The following DNAH6 variants were observed in gnomAD, a reference collection of about 807,000 sequenced individuals.
The protein encoded by DNAH6 is axonemal beta dynein heavy chain 6.
A neutral mutation model predicts 491.4 loss-of-function variants in DNAH6; 340 were observed. The observed-to-expected ratio is 0.69, with a 90% CI of 0.63 to 0.76. The LOEUF (loss-of-function observed/expected upper bound fraction) is 0.76, where lower values mean the gene tolerates loss of function less well. Ranked by LOEUF, DNAH6 falls within the 30% of genes least tolerant of loss-of-function variation. DNAH6 has a pLI of 0.00. For missense variants in DNAH6, 4,443 were observed against 4,972.2 expected (o/e 0.89, Z 3.20); for synonymous variants, 1,603 against 1,686.1 (o/e 0.95, Z 1.21).
chr2:84,813,058 C>T lies in DNAH6; in HGVS notation c.11926C>T (p.Leu3976=). 6.5e-7 allele frequency: 1 copy of T among 1,550,252 alleles called. No homozygotes were observed. Among genetic ancestry groups the T allele is most frequent in the Non-Finnish European group, 8.7e-7 (1 of 1,145,628 alleles). Residue 3976 remains leucine (L), a splice_region_variant and synonymous_variant, in exon 74 of 77, where the codon CTG becomes TTG. Transcript: ENST00000389394. The part of the protein sequence containing the change: ...DLILRTSFVD[L]WLKRGQPKSY... Reference sequence around the variant, plus strand: ...TATTATGAATATGTTTCTCCTTCAGCTGTGGCTCAAAAGAGGACAGCCTAA... The same window carrying T: ...TATTATGAATATGTTTCTCCTTCAGTTGTGGCTCAAAAGAGGACAGCCTAA...
rs777912858 is a variant in DNAH6, at chr2:84,669,340, C to T, written c.6136C>T (p.Arg2046Trp). The change falls in exon 38 of 77, where the codon CGG (arginine) becomes TGG (tryptophan). Residue 2046 changes from arginine to tryptophan, a missense_variant. Physicochemically the swap from Arg to Trp is moderately radical, Grantham distance 101 (BLOSUM62 -3). This residue lies in a region of DNAH6 where 2,977 missense variants were observed against 3,296.6 expected (regional missense o/e 0.90). Transcript: ENST00000389394. Reference protein sequence around the residue: ...WSIHMDFDTKRLDPWERIIPT... With the variant: ...WSIHMDFDTKWLDPWERIIPT... ...CATTCATATGGACTTTGACACCAAA[C>T]GGCTGGATCCCTGGGAACGAATCAT... 107 of 1,549,380 alleles carry T rather than the reference C, an allele frequency of 6.9e-5. No homozygotes were observed. Among genetic ancestry groups the T allele is most frequent in the Non-Finnish European group, 8.4e-5 (96 of 1,144,968 alleles).
chr2:84,762,021 A>G (rs935421650), intron 63 of DNAH6, among the ~76,000 whole-genome samples: 5 of 152,146 alleles, frequency 3.3e-5, no homozygotes, highest in East Asian at 1.9e-4. Context: ...ACCTTTTTCT[A>G]TCTCACACAA....
intron 61 of DNAH6, among the ~76,000 whole-genome samples, chr2:84,731,537 A>G (rs932912745): frequency 3.9e-5 from 6 of 152,336 alleles, no homozygotes; most frequent in Non-Finnish European, 7.4e-5. Context: ...GCCCCTGCGA[A>G]AAGTGCAACA....
At chr2:84,673,428 C>T (rs1270310140) in intron 40 of DNAH6, among the ~76,000 whole-genome samples, 3 of 152,124 alleles carry the variant, frequency 2.0e-5, no homozygotes, top group African/African-American at 7.2e-5. Flanking sequence ...GAGGGTCGAG[C>T]CTCCTGTGCT....
At chr2:84,605,415 T>G in intron 19 of DNAH6, 85 bp from the exon 20 acceptor site, 2 of 930,752 alleles carry the variant, frequency 2.1e-6, no homozygotes, top group Admixed American at 2.4e-5. Context: ...AATTATGGAG[T>G]TTTTATTTAT....
intron 11 of DNAH6, among the ~76,000 whole-genome samples, chr2:84,559,952 A>G (rs113668221): frequency 2.0e-5 from 3 of 152,324 alleles, no homozygotes; most frequent in African/African-American, 7.2e-5. Flanking sequence ...TAATGAGTAT[A>G]GAAGAAAGAT....
intron 9 of DNAH6, among the ~76,000 whole-genome samples, chr2:84,550,809 G>A (rs772862869): frequency 6.6e-6 from 1 of 152,122 alleles, no homozygotes; most frequent in African/African-American, 2.4e-5. Context: ...GAGAGAAGCA[G>A]GAAAAGTGGT....
At chr2:84,585,841 G>A (rs1363258588) in intron 15 of DNAH6, among the ~76,000 whole-genome samples, 6 of 152,168 alleles carry the variant, frequency 3.9e-5, no homozygotes, top group South Asian at 2.1e-4. Context: ...GGGAGGAAGT[G>A]TGTACTGATT....
At chr2:84,477,910 C>G in the DNAH6 span, among the ~76,000 whole-genome samples, 1 of 152,228 alleles carries the variant, frequency 6.6e-6, no homozygotes, top group Admixed American at 6.5e-5. Context: ...AGAACCTTCT[C>G]TATGCCCAGT....
Position 84,625,024 on chromosome 2 carries a change from G to A in DNAH6, c.4476G>A (p.Gln1492=), listed in dbSNP as rs1294568854. The change falls in exon 29 of 77, where the codon CAG becomes CAA. Residue 1492 remains glutamine (Q), a synonymous_variant. Coordinates refer to ENST00000389394, the MANE Select transcript of DNAH6 (RefSeq NM_001370.2). ...ATCTGGCAAAAGCTCTTGCCATCCA[G>A]TGTGTGGTCTTTAACTGTTCAGATG... is the stretch of plus-strand genomic sequence containing the variant. ...TKDLAKALAI[Q]CVVFNCSDGL... The A allele has an allele frequency of 6.4e-7, 1 of 1,551,354 alleles. No homozygotes were observed. The highest frequency in any genetic ancestry group is 2.4e-5 in the East Asian group (1 of 40,924).
At chr2:84,590,337 T>C (rs1336040064) in intron 16 of DNAH6, among the ~76,000 whole-genome samples, 1 of 151,460 alleles carries the variant, frequency 6.6e-6, no homozygotes, top group Non-Finnish European at 1.5e-5. Flanking sequence ...CTACTAAAAA[T>C]ACAAAAAATT....
At chr2:84,594,319 A>G (rs1053510134) in intron 17 of DNAH6, among the ~76,000 whole-genome samples, 4 of 4,078 alleles carry the variant, frequency 9.8e-4, no homozygotes, top group African/African-American at 4.0e-3. Flanking sequence ...GGAAGCATCA[A>G]TGGACAATGC....
chr2:84,772,339 C>A (rs1675708828), intron 64 of DNAH6, among the ~76,000 whole-genome samples: 1 of 151,952 alleles, frequency 6.6e-6, no homozygotes, highest in Non-Finnish European at 1.5e-5. Context: ...GTAAATTCTT[C>A]CTTATTAGTA....
In DNAH6 at chr2:84,710,271, G is replaced by T; in HGVS notation, c.9253-16G>T. 6.4e-7 allele frequency: 1 copy of T among 1,551,198 alleles called. No individual in the cohort carries two copies. The highest frequency in any genetic ancestry group is 1.4e-5 in the African/African-American group (1 of 73,152). ...TGCTCTGAAGCAAATGTTCTGCTCT[G>T]TGCTTTTCCAAACAGGCAAACCGTT... is the stretch of plus-strand genomic sequence containing the variant. On this transcript the variant is annotated splice_polypyrimidine_tract_variant and intron_variant, in intron 55 of 76. Coordinates refer to ENST00000389394, the MANE Select transcript of DNAH6 (RefSeq NM_001370.2).
chr2:84,541,300 A>G (rs1450103085), intron 4 of DNAH6, among the ~76,000 whole-genome samples: 2 of 152,240 alleles, frequency 1.3e-5, no homozygotes, highest in Admixed American at 6.5e-5. Context: ...ATAGGATTAC[A>G]GAGAAATGTA....
chr2:84,544,489 A>G lies in DNAH6; in HGVS notation c.919A>G (p.Ile307Val). 2 of 1,466,268 alleles carry G rather than the reference A, an allele frequency of 1.4e-6. No individual in the cohort carries two copies. The highest frequency in any genetic ancestry group is 1.9e-6 in the Non-Finnish European group (2 of 1,070,046). 90.8% of individuals were successfully genotyped at this position (1,466,268 alleles called of 1,614,324 possible). The change falls in exon 5 of 77, where the codon ATT (isoleucine) becomes GTT (valine). Residue 307 changes from isoleucine (I) to valine (V), a missense_variant. Ile to Val is a conservative substitution (Grantham distance 29). Around this residue, in one of 3 missense-constraint regions of DNAH6, gnomAD observed 2,977 missense variants for 3,296.6 expected, o/e 0.90. Transcript: ENST00000389394. ...AAAATCTCTACAAAAAAATTTGTTC[A>G]TTGTTAATCCTGTATGTATTTATCA... ...CQKSLQKNLF[I>V]VNPHLRPALL...
chr2:84,510,340 G>A, the DNAH6 span, among the ~76,000 whole-genome samples: 2 of 152,088 alleles, frequency 1.3e-5, no homozygotes, highest in Non-Finnish European at 2.9e-5. Flanking sequence ...TTCCATCACT[G>A]ATACCCTTTC....
At chr2:84,470,812 G>A in the DNAH6 span, among the ~76,000 whole-genome samples, 1 of 152,162 alleles carries the variant, frequency 6.6e-6, no homozygotes. Flanking sequence ...AAGTCCGGTG[G>A]AGTCAAAGGA....
the DNAH6 span, among the ~76,000 whole-genome samples, chr2:84,498,453 A>C: frequency 6.6e-6 from 1 of 152,192 alleles, no homozygotes. Flanking sequence ...TCATCAAAAA[A>C]TTCTAAATCT....
Sources: gnomAD v4.1 joint callset for allele counts (sites outside exome capture counted in the v4.1 genomes callset) on GRCh38, gnomAD v4.1.1 for gene constraint, gnomAD v4.1.1 regional missense constraint, MANE v1.5 for transcripts, NCBI Gene and HGNC (gene_info 2026-07-23, HGNC 2026-07-21) for gene names.